The following GALNT18 variants were observed in gnomAD, a reference collection of about 807,000 sequenced individuals.
The protein encoded by GALNT18 is polypeptide N-acetylgalactosaminyltransferase 18.
In GALNT18, 44 loss-of-function variants were observed where a neutral mutation model predicts 69.5. The observed-to-expected ratio is 0.63, with a 90% CI of 0.50 to 0.81. GALNT18 has a LOEUF of 0.81. Among genes scored for constraint, GALNT18 ranks in the 40% least tolerant of loss-of-function variants. The probability of loss-of-function intolerance (pLI) is 0.00; values close to 1 mark genes in which losing one functional copy is unlikely to be tolerated. For synonymous variants in GALNT18, 364 were observed against 318.2 expected (o/e 1.14, Z -1.53); for missense variants, 715 against 810.0 (o/e 0.88, Z 1.42).
Position 11,271,239 on chromosome 11 carries a change from TCTC to T in GALNT18, c.1726_1728del (p.Glu576del), listed in dbSNP as rs1270361793. ...TGGAAGCCGAACTCCAGGTCGCTAT[TCTC>T]CTGCAGCTCCAGACAGCGCTTAGAC... On this transcript the variant is annotated inframe_deletion, in exon 11 of 11. Transcript: ENST00000227756. 4.3e-6 allele frequency: 7 copies of T among 1,613,952 alleles called. No individual in the cohort carries two copies. Among genetic ancestry groups the T allele is most frequent in the Middle Eastern group, 1.6e-4 (1 of 6,082 alleles).
intron 9 of GALNT18, among the ~76,000 whole-genome samples, chr11:11,297,752 C>T (rs1347334353): frequency 1.3e-5 from 2 of 152,152 alleles, no homozygotes; most frequent in Non-Finnish European, 2.9e-5. Context: ...ACCCCCGGGG[C>T]AGAGAAACGT....
At chr11:11,446,644 G>C (rs190252802) in intron 2 of GALNT18, among the ~76,000 whole-genome samples, 85 of 152,198 alleles carry the variant, frequency 5.6e-4, no homozygotes, top group African/African-American at 2.0e-3. Flanking sequence ...CACCTCCCCT[G>C]CTGCCATCAT....
At chr11:11,297,721 C>T (rs1261905129) in intron 9 of GALNT18, among the ~76,000 whole-genome samples, 1 of 152,170 alleles carries the variant, frequency 6.6e-6, no homozygotes, top group Admixed American at 6.5e-5. Flanking sequence ...AGCTGTTATC[C>T]TGCCTGTGGA....
chr11:11,620,349 GCA>G lies in GALNT18; in HGVS notation c.235+1008_235+1009del, dbSNP rs199619299. On this transcript the variant is annotated intron_variant, in intron 1 of 10. Transcript: ENST00000227756. This position sits in a 1 kb window ranked among gnomAD's most constrained non-coding sequence, Gnocchi z 6.9. ...CGCGCGCGCGTGTGTGTGTGTGTGTGCACACCCGGCACCAGTGCTCCTGGCGC... is the reference window on the plus strand; with the variant it reads ...CGCGCGCGCGTGTGTGTGTGTGTGTGCACCCGGCACCAGTGCTCCTGGCGC... Among the ~76,000 whole-genome samples the G allele has an allele frequency of 0.035, 5,324 of 150,876 alleles. 300 individuals are homozygous for G. Among genetic ancestry groups the G allele is most frequent in the African/African-American group, 0.12 (4,944 of 41,120 alleles).
At chr11:11,526,471 T>C (rs897214316) in intron 1 of GALNT18, among the ~76,000 whole-genome samples, 1 of 152,220 alleles carries the variant, frequency 6.6e-6, no homozygotes, top group African/African-American at 2.4e-5. Flanking sequence ...CCAGAACATA[T>C]GTAGTTATTC....
intron 1 of GALNT18, among the ~76,000 whole-genome samples, chr11:11,553,634 C>T (rs1858254561): frequency 6.6e-6 from 1 of 152,112 alleles, no homozygotes; most frequent in African/African-American, 2.4e-5. Flanking sequence ...CTGGGAAGGC[C>T]CTTTATGGAA....
chr11:11,621,846 GA>G lies in GALNT18; in HGVS notation c.-254del. ...ATTTTTTTCCAAATTAAAAATCCCT[GA>G]ACCCTTCCTAGAGGGGTCACGGGTA... On this transcript the variant is annotated 5_prime_UTR_variant, in exon 1 of 11. Coordinates refer to ENST00000227756, the MANE Select transcript of GALNT18 (RefSeq NM_198516.3). The surrounding 1 kb of genome is among the most constrained non-coding windows in gnomAD (Gnocchi z 9.3). The G allele has an allele frequency of 1.9e-6, 1 of 522,248 alleles. No homozygotes were observed. Among genetic ancestry groups the G allele is most frequent in the South Asian group, 2.3e-5 (1 of 44,400 alleles). 32.4% of individuals were successfully genotyped at this position (522,248 alleles called of 1,614,324 possible). A position where few individuals can be genotyped will look rare whatever the true frequency, so the allele number is the denominator to read the frequency against.
chr11:11,537,222 G>A (rs199648199), intron 1 of GALNT18, among the ~76,000 whole-genome samples: 1 of 42,422 alleles, frequency 2.4e-5, no homozygotes, highest in Non-Finnish European at 4.2e-5. Flanking sequence ...ACAGTTAATC[G>A]GGGTGGAGCT....
chr11:11,449,208 C>T (rs1247781170), intron 1 of GALNT18, among the ~76,000 whole-genome samples: 4 of 152,200 alleles, frequency 2.6e-5, no homozygotes, highest in Non-Finnish European at 5.9e-5. Flanking sequence ...ATTGATGCCC[C>T]ATGGCTTCAA....
intron 3 of GALNT18, among the ~76,000 whole-genome samples, chr11:11,406,121 A>G (rs549519599): frequency 1.3e-5 from 2 of 152,328 alleles, no homozygotes; most frequent in South Asian, 4.1e-4. Flanking sequence ...TGTAACTTAT[A>G]TCATCATCTT....
chr11:11,390,543 C>T (rs1854162381), intron 3 of GALNT18, among the ~76,000 whole-genome samples: 1 of 152,218 alleles, frequency 6.6e-6, no homozygotes, highest in Non-Finnish European at 1.5e-5. Flanking sequence ...CTCCACACTC[C>T]TGCAAATCAC....
intron 3 of GALNT18, among the ~76,000 whole-genome samples, chr11:11,428,491 C>A (rs1855187083): frequency 6.6e-6 from 1 of 152,248 alleles, no homozygotes. Context: ...CTCTGGGTAC[C>A]CATCACCACA....
chr11:11,397,505 C>T (rs555486326), intron 3 of GALNT18, among the ~76,000 whole-genome samples: 2 of 152,178 alleles, frequency 1.3e-5, no homozygotes, highest in African/African-American at 4.8e-5. Flanking sequence ...ACTCTGTTGC[C>T]TAAGCTGGAG....
chr11:11,273,194 G>A (rs1848863130), intron 10 of GALNT18, among the ~76,000 whole-genome samples: 1 of 146,322 alleles, frequency 6.8e-6, no homozygotes, highest in Non-Finnish European at 1.5e-5. Context: ...AAGCAAAAAT[G>A]GACAAATAGG....
At chr11:11,368,660 C>T (rs1206524460) in intron 6 of GALNT18, among the ~76,000 whole-genome samples, 2 of 152,130 alleles carry the variant, frequency 1.3e-5, no homozygotes, top group Non-Finnish European at 2.9e-5. Flanking sequence ...GTCTTTCTTA[C>T]ATTTTTCATG....
intron 10 of GALNT18, among the ~76,000 whole-genome samples, chr11:11,275,067 G>A (rs1217043483): frequency 6.6e-6 from 1 of 152,208 alleles, no homozygotes. Flanking sequence ...CCCAGTGATG[G>A]GACCGCTAGG....
chr11:11,372,631 T>C lies in GALNT18; in HGVS notation c.978-2A>G, dbSNP rs1412721210. On this transcript the variant is annotated splice_acceptor_variant, in intron 5 of 10. Coordinates refer to ENST00000227756, the MANE Select transcript of GALNT18 (RefSeq NM_198516.3). LOFTEE classifies it high-confidence loss of function. This position sits in a 1 kb window ranked among gnomAD's most constrained non-coding sequence, Gnocchi z 4.9. ...AAGCAGCCAATGAGGGCAGGGCTCC[T>C]GCAGGGGCAGGGGAGAGCAGAAGGG... The C allele has an allele frequency of 1.2e-6, 2 of 1,613,308 alleles. No homozygotes were observed. Among genetic ancestry groups the C allele is most frequent in the East Asian group, 2.2e-5 (1 of 44,874 alleles).
chr11:11,316,354 C>A (rs16909426), intron 9 of GALNT18, among the ~76,000 whole-genome samples: 1 of 152,100 alleles, frequency 6.6e-6, no homozygotes, highest in African/African-American at 2.4e-5. Context: ...TCTTGGCACA[C>A]AAAGGAAAAC....
chr11:11,363,182 A>G (rs1850681687), intron 6 of GALNT18, among the ~76,000 whole-genome samples: 1 of 152,242 alleles, frequency 6.6e-6, no homozygotes, highest in Non-Finnish European at 1.5e-5. Context: ...CAGGATGAAG[A>G]GAACAACGCT....
Sources: gnomAD v4.1 joint callset for allele counts (sites outside exome capture counted in the v4.1 genomes callset) on GRCh38, gnomAD v4.1.1 for gene constraint, Gnocchi (gnomAD v3.1) non-coding constraint, MANE v1.5 for transcripts, NCBI Gene and HGNC (gene_info 2026-07-23, HGNC 2026-07-21) for gene names.